The following LYPLAL1 variants were observed in gnomAD, a reference collection of about 807,000 sequenced individuals.
LYPLAL1 encodes lysophospholipase like 1.
Under a neutral mutation model 19.7 loss-of-function variants are expected in LYPLAL1, and 23 were observed. The observed-to-expected ratio is 1.17, with a 90% CI of 0.84 to 1.65. The LOEUF (loss-of-function observed/expected upper bound fraction) is 1.65, where lower values mean the gene tolerates loss of function less well. LYPLAL1 is among the 40% of genes most tolerant of loss of function. LYPLAL1 has a pLI of 0.00. For synonymous variants in LYPLAL1, 119 were observed against 96.3 expected (o/e 1.24, Z -1.38); for missense variants, 355 against 279.4 (o/e 1.27, Z -1.93).
the LYPLAL1 span, among the ~76,000 whole-genome samples, chr1:219,419,227 A>C: frequency 6.6e-6 from 1 of 152,176 alleles, no homozygotes; most frequent in Non-Finnish European, 1.5e-5. Flanking sequence ...TTTTGTTAAG[A>C]AACTGCCAAA....
At chr1:219,423,104 T>C in the LYPLAL1 span, among the ~76,000 whole-genome samples, 1 of 152,126 alleles carries the variant, frequency 6.6e-6, no homozygotes, top group Non-Finnish European at 1.5e-5. Flanking sequence ...AGAGTTCATT[T>C]TGCCTAGAAC....
the LYPLAL1 span, chr1:219,410,328 G>C: frequency 6.6e-6 from 1 of 152,224 alleles, no homozygotes; most frequent in Non-Finnish European, 1.5e-5. Flanking sequence ...TTATATGCTA[G>C]TTATTAAACA....
the LYPLAL1 span, among the ~76,000 whole-genome samples, chr1:219,429,145 A>G: frequency 3.9e-5 from 6 of 152,202 alleles, no homozygotes; most frequent in Non-Finnish European, 7.3e-5. Context: ...AAGAGAATGA[A>G]GTAAAACAGG....
the LYPLAL1 span, among the ~76,000 whole-genome samples, chr1:219,440,081 C>T: frequency 6.9e-6 from 1 of 143,920 alleles, no homozygotes; most frequent in Non-Finnish European, 1.5e-5. Flanking sequence ...GAAATTCAAA[C>T]ACACACACAC....
chr1:219,423,236 G>A, the LYPLAL1 span, among the ~76,000 whole-genome samples: 1 of 151,988 alleles, frequency 6.6e-6, no homozygotes, highest in African/African-American at 2.4e-5. Context: ...GGACTTTCTG[G>A]CTTTCTGCTC....
At chr1:219,382,230 G>A in the LYPLAL1 span, among the ~76,000 whole-genome samples, 1 of 152,192 alleles carries the variant, frequency 6.6e-6, no homozygotes, top group Non-Finnish European at 1.5e-5. Flanking sequence ...TGAATACAAA[G>A]TTCTACAGAG....
At chr1:219,265,462 G>A in the LYPLAL1 span, among the ~76,000 whole-genome samples, 5 of 152,162 alleles carry the variant, frequency 3.3e-5, no homozygotes, top group South Asian at 2.1e-4. Flanking sequence ...GTAAAACGGC[G>A]CTTGATTGTC....
At chr1:219,352,045 A>G in the LYPLAL1 span, among the ~76,000 whole-genome samples, 2 of 152,244 alleles carry the variant, frequency 1.3e-5, no homozygotes, top group Admixed American at 6.5e-5. Flanking sequence ...TTCCATTGAT[A>G]TAACTATGGC....
At chr1:219,305,646 A>T in the LYPLAL1 span, among the ~76,000 whole-genome samples, 1 of 152,194 alleles carries the variant, frequency 6.6e-6, no homozygotes, top group Non-Finnish European at 1.5e-5. Context: ...AGTGATATTC[A>T]GGGCATTGGG....
At chr1:219,359,069 A>G in the LYPLAL1 span, among the ~76,000 whole-genome samples, 1 of 144,178 alleles carries the variant, frequency 6.9e-6, no homozygotes, top group Admixed American at 7.4e-5. Context: ...GTGAGGAAAC[A>G]AGTTGTTTTT....
the LYPLAL1 span, among the ~76,000 whole-genome samples, chr1:219,411,092 C>T: frequency 1.3e-5 from 2 of 152,232 alleles, no homozygotes; most frequent in Non-Finnish European, 2.9e-5. Context: ...GCCGGATCCA[C>T]TAGGTGAAGC....
At chr1:219,326,516 G>C in the LYPLAL1 span, among the ~76,000 whole-genome samples, 3 of 152,080 alleles carry the variant, frequency 2.0e-5, no homozygotes, top group Non-Finnish European at 4.4e-5. Context: ...TTACTATATA[G>C]GACATGATCC....
chr1:219,308,403 G>A, the LYPLAL1 span, among the ~76,000 whole-genome samples: 4 of 152,188 alleles, frequency 2.6e-5, no homozygotes, highest in Non-Finnish European at 5.9e-5. Flanking sequence ...AAGTAATGAG[G>A]AGCTGAATTT....
At chr1:219,225,722 C>G in the LYPLAL1 span, among the ~76,000 whole-genome samples, 1 of 152,170 alleles carries the variant, frequency 6.6e-6, no homozygotes, top group Admixed American at 6.5e-5. Flanking sequence ...GTTAGTCTGT[C>G]TTCAGAATAA....
chr1:219,309,626 A>G, the LYPLAL1 span, among the ~76,000 whole-genome samples: 132,577 of 152,138 alleles, frequency 0.87, 57,877 homozygotes, highest in East Asian at 0.97. Flanking sequence ...AGATCTGATG[A>G]TTTCATCAGG....
At chr1:219,379,229 C>T in the LYPLAL1 span, among the ~76,000 whole-genome samples, 2,554 of 152,254 alleles carry the variant, frequency 0.017, 35 homozygotes, top group South Asian at 0.051. Flanking sequence ...TGTCATTGCT[C>T]CAACTTGGTT....
the LYPLAL1 span, among the ~76,000 whole-genome samples, chr1:219,316,608 A>G: frequency 3.9e-5 from 6 of 152,328 alleles, no homozygotes; most frequent in East Asian, 7.7e-4. Flanking sequence ...CCATAGCAGC[A>G]GTATTTACAA....
intron 3 of LYPLAL1, among the ~76,000 whole-genome samples, chr1:219,206,701 C>T (rs946752942): frequency 3.3e-5 from 5 of 149,292 alleles, no homozygotes; most frequent in Middle Eastern, 3.6e-3. Flanking sequence ...ATTTTATGTG[C>T]GGGTAAATGT....
the LYPLAL1 span, among the ~76,000 whole-genome samples, chr1:219,441,759 C>T: frequency 6.6e-6 from 1 of 152,180 alleles, no homozygotes; most frequent in Admixed American, 6.5e-5. Context: ...CCAGAGAGCA[C>T]AAGCATACTC....
Sources: allele counts gnomAD v4.1 joint callset (sites outside exome capture counted in the v4.1 genomes callset), GRCh38; gene constraint gnomAD v4.1.1; transcripts MANE v1.5; gene names NCBI Gene and HGNC (gene_info 2026-07-23, HGNC 2026-07-21).